ELP3: variants seen among roughly 807,000 people sequenced by gnomAD.
The protein encoded by ELP3 is elongator acetyltransferase complex subunit 3.
ELP3 carries 56 observed loss-of-function variants against 74.9 expected under a neutral mutation model. That is an observed-to-expected ratio of 0.75 (90% CI 0.60 to 0.93). ELP3 has a LOEUF of 0.93. ELP3 is among the 40% of genes least tolerant of loss of function. The pLI is 0.00. For synonymous variants in ELP3, 222 were observed against 239.8 expected (o/e 0.93, Z 0.68); for missense variants, 573 against 686.5 (o/e 0.83, Z 1.85).
intron 7 of ELP3, among the ~76,000 whole-genome samples, chr8:28,124,060 C>G (rs1200098275): frequency 6.6e-6 from 1 of 152,002 alleles, no homozygotes; most frequent in African/African-American, 2.4e-5. Flanking sequence ...TTATATCTGC[C>G]AGTTTAATCA....
At chr8:28,179,453 C>T (rs1030370443) in intron 14 of ELP3, among the ~76,000 whole-genome samples, 4 of 152,206 alleles carry the variant, frequency 2.6e-5, no homozygotes, top group African/African-American at 9.6e-5. Flanking sequence ...AGCAGTGGTC[C>T]CCAACCTTTT....
At chr8:28,128,930 T>C (rs1812686786) in intron 7 of ELP3, among the ~76,000 whole-genome samples, 1 of 152,240 alleles carries the variant, frequency 6.6e-6, no homozygotes, top group Admixed American at 6.5e-5. Context: ...CAAAAATGAT[T>C]GGTAATTTTG....
intron 4 of ELP3, 72 bp from the exon 5 acceptor site, chr8:28,107,841 G>A (rs1811756922): frequency 1.7e-6 from 2 of 1,174,778 alleles, no homozygotes; most frequent in Non-Finnish European, 2.5e-6. Flanking sequence ...TTTGGAGATG[G>A]TAGATGCTTG....
At chr8:28,092,602 G>A (rs1244295912), upstream of ELP3, among the ~76,000 whole-genome samples, 1 of 152,162 alleles carries the variant, frequency 6.6e-6, no homozygotes, top group Non-Finnish European at 1.5e-5. Flanking sequence ...TTCCACAAGA[G>A]ACATCCACAG....
intron 8 of ELP3, among the ~76,000 whole-genome samples, 158 bp from the exon 9 acceptor site, chr8:28,132,119 TC>T (rs1225118719): frequency 6.6e-6 from 1 of 152,164 alleles, no homozygotes; most frequent in Non-Finnish European, 1.5e-5. Context: ...AGATGTCTTT[TC>T]CCCCAGCCAT....
Position 28,152,768 on chromosome 8 carries a change from T to C in ELP3, c.1101-3174T>C, listed in dbSNP as rs1056548643. 1.6e-4 allele frequency among the ~76,000 whole-genome samples: 24 copies of C among 152,342 alleles called. 1 individual carries two copies. The highest frequency in any genetic ancestry group is 8.3e-4 in the South Asian group (4 of 4,830). On this transcript the variant is annotated intron_variant, in intron 10 of 14. Transcript: ENST00000256398. The stretch of plus-strand genomic sequence containing the variant: ...TTGCAGTGAGCTGAGATCATGCCAC[T>C]GCACTCCAGCCTGGGTGACAGAGCG...
chr8:28,173,003 T>G (rs574865143), intron 14 of ELP3, among the ~76,000 whole-genome samples: 1 of 152,068 alleles, frequency 6.6e-6, no homozygotes, highest in African/African-American at 2.4e-5. Context: ...TGGTATATAA[T>G]CCTTTTAATA....
In ELP3 at chr8:28,189,659, C is replaced by G; in HGVS notation, c.1578C>G (p.Thr526=). The change falls in exon 15 of 15, where the codon ACC becomes ACG. Residue 526 remains threonine, a synonymous_variant. Transcript: ENST00000256398. ...TCGATTTTTCTGCAGGGGTCGGCAC[C>G]AGGAATTATTATAGAAAGATCGGCT... ...GKIAVISGVG[T]RNYYRKIGYR... The G allele has an allele frequency of 1.2e-6, 2 of 1,613,986 alleles. No individual in the cohort carries two copies.
At chr8:28,095,207 T>C (rs2130336940) in intron 1 of ELP3, among the ~76,000 whole-genome samples, 1 of 152,368 alleles carries the variant, frequency 6.6e-6, no homozygotes, top group Admixed American at 6.5e-5. Flanking sequence ...TAAAGATCCC[T>C]GTGCCATTTC....
At chr8:28,090,614 T>C (rs117567907), upstream of ELP3, among the ~76,000 whole-genome samples, 1,913 of 151,956 alleles carry the variant, frequency 0.013, 12 homozygotes, top group Non-Finnish European at 0.018. Flanking sequence ...CCCTTAAAGG[T>C]ATTGTGTATG....
chr8:28,137,903 T>C lies in ELP3; in HGVS notation c.1100+12T>C, dbSNP rs748069612. Reference sequence around the variant, plus strand: ...TACCGAGTACAGAGGTAGTGTGTTATCTTTTATTCCTAAAATAGTTGGTGA... The same window carrying C: ...TACCGAGTACAGAGGTAGTGTGTTACCTTTTATTCCTAAAATAGTTGGTGA... On this transcript the variant is annotated intron_variant, in intron 10 of 14. Coordinates refer to ENST00000256398, the MANE Select transcript of ELP3 (RefSeq NM_018091.6). 5.8e-6 allele frequency: 9 copies of C among 1,562,632 alleles called. No homozygotes were observed. The South Asian group carries it at 7.2e-5, about 13-fold the overall frequency.
chr8:28,152,593 G>A (rs1813684323), intron 10 of ELP3, among the ~76,000 whole-genome samples: 1 of 152,174 alleles, frequency 6.6e-6, no homozygotes, highest in Non-Finnish European at 1.5e-5. Flanking sequence ...ATCACCTGAG[G>A]TCAGGAGTTC....
At chr8:28,139,359 C>T (rs1444916171) in intron 10 of ELP3, among the ~76,000 whole-genome samples, 1 of 152,034 alleles carries the variant, frequency 6.6e-6, no homozygotes, top group Non-Finnish European at 1.5e-5. Context: ...TTAGTGTGAG[C>T]ACTGTGGTGT....
intron 14 of ELP3, among the ~76,000 whole-genome samples, chr8:28,172,000 CTA>C (rs1814549207): frequency 6.6e-6 from 1 of 152,118 alleles, no homozygotes; most frequent in South Asian, 2.1e-4. Context: ...GCTCTCAGTT[CTA>C]TTTTGCTGGC....
chr8:28,091,148 C>T (rs147601815), upstream of ELP3, among the ~76,000 whole-genome samples: 842 of 152,026 alleles, frequency 5.5e-3, 6 homozygotes, highest in African/African-American at 0.019. Flanking sequence ...CCTTGTGATC[C>T]GCCCACCTCG....
chr8:28,141,925 C>T (rs1390956749), intron 10 of ELP3, among the ~76,000 whole-genome samples: 1 of 152,204 alleles, frequency 6.6e-6, no homozygotes, highest in Non-Finnish European at 1.5e-5. Context: ...CCGAAAGTAA[C>T]AAGGCATGGA....
At chr8:28,161,064 G>C (rs1814065314) in intron 13 of ELP3, among the ~76,000 whole-genome samples, 1 of 152,132 alleles carries the variant, frequency 6.6e-6, no homozygotes, top group African/African-American at 2.4e-5. Flanking sequence ...ACTTATTGTG[G>C]AGTCAGGTTA....
Position 28,191,038 on chromosome 8 carries a change from G to A in ELP3, c.*1313G>A, listed in dbSNP as rs555669463. On this transcript the variant is annotated 3_prime_UTR_variant, in exon 15 of 15. Transcript: ENST00000256398. ...ACTTTGGAGACTCTGCCTGGAGAGG[G>A]TCAGTTCCTAAGTTAAAAGCATCGC... 1 of 152,206 alleles carries A rather than the reference G, an allele frequency of 6.6e-6. No individual in the cohort carries two copies. 9.4% of individuals were successfully genotyped at this position (152,206 alleles called of 1,614,324 possible). A position where few individuals can be genotyped will look rare whatever the true frequency, so the allele number is the denominator to read the frequency against.
At chr8:28,127,266 T>C (rs1388749527) in intron 7 of ELP3, among the ~76,000 whole-genome samples, 3 of 152,194 alleles carry the variant, frequency 2.0e-5, no homozygotes, top group Non-Finnish European at 4.4e-5. Flanking sequence ...AAATTTTCTC[T>C]TTCCTCTACA....
Sources: allele counts gnomAD v4.1 joint callset (sites outside exome capture counted in the v4.1 genomes callset), GRCh38; gene constraint gnomAD v4.1.1; transcripts MANE v1.5; gene names NCBI Gene and HGNC (gene_info 2026-07-23, HGNC 2026-07-21).